The following SYNE1 variants were observed in gnomAD, a reference collection of about 807,000 sequenced individuals.
SYNE1 encodes nesprin-1.
SYNE1 carries 616 observed loss-of-function variants against 1,111.0 expected under a neutral mutation model. The observed-to-expected ratio is 0.55, with a 90% CI of 0.52 to 0.59. The LOEUF (loss-of-function observed/expected upper bound fraction) is 0.59. SYNE1 is among the 20% of genes least tolerant of loss of function. The pLI, the probability that SYNE1 is intolerant of heterozygous loss-of-function variation, is 0.00. For missense variants in SYNE1, 10,006 were observed against 10,417.0 expected, an observed-to-expected ratio of 0.96 and a Z score of 1.72; for synonymous variants, 3,855 against 3,825.8, an observed-to-expected ratio of 1.01 and a Z score of -0.28.
chr6:152,608,357 C>T (rs949232156), intron 3 of SYNE1, among the ~76,000 whole-genome samples: 4 of 152,018 alleles, frequency 2.6e-5, no homozygotes, highest in African/African-American at 9.7e-5. Flanking sequence ...CTCAATAGCT[C>T]TAACTATTTA....
In SYNE1 at chr6:152,352,240, C is replaced by T; in HGVS notation, c.11367G>A (p.Glu3789=). The T allele has an allele frequency of 6.2e-7, 1 of 1,614,144 alleles. No individual in the cohort carries two copies. Residue 3789 remains glutamate, a synonymous_variant, in exon 70 of 146, where the codon GAG becomes GAA. Coordinates refer to ENST00000367255, the MANE Select transcript of SYNE1 (RefSeq NM_182961.4). ...TCAACTGCTCCATGTGATCATGAATCTCCTTTCTTAACCTCTCTGCCTCGC... is the reference window on the plus strand; with the variant it reads ...TCAACTGCTCCATGTGATCATGAATTTCCTTTCTTAACCTCTCTGCCTCGC... ...EEGEAERLRK[E]IHDHMEQLKE...
intron 115 of SYNE1, among the ~76,000 whole-genome samples, chr6:152,227,322 T>G (rs904537882): frequency 4.6e-5 from 7 of 152,224 alleles, no homozygotes; most frequent in African/African-American, 1.7e-4. Context: ...GATATTATTA[T>G]GTTTAGCCAT....
intron 3 of SYNE1, among the ~76,000 whole-genome samples, chr6:152,565,231 G>C (rs1343073118): frequency 6.6e-6 from 1 of 152,164 alleles, no homozygotes; most frequent in Non-Finnish European, 1.5e-5. Context: ...GTGGAATTTA[G>C]ACATTCAAAG....
At chr6:152,368,345 A>T (rs2097119537) in intron 61 of SYNE1, 2 of 153,274 alleles carry the variant, frequency 1.3e-5, no homozygotes, top group Non-Finnish European at 2.9e-5. Context: ...GTTCTAAATG[A>T]GATTGTAGTA....
At position 152,136,897 on chromosome 6, in the gene SYNE1, G is replaced by A. The variant is rs2057216915; in HGVS notation, c.25459-79C>T. 8 of 1,510,902 alleles carry A rather than the reference G, an allele frequency of 5.3e-6. No homozygotes were observed. The South Asian group carries it at 9.1e-5, about 17-fold the overall frequency. 93.6% of individuals were successfully genotyped at this position (1,510,902 alleles called of 1,614,324 possible). A position where few individuals can be genotyped will look rare whatever the true frequency, so the allele number is the denominator to read the frequency against. On this transcript the variant is annotated intron_variant, in intron 140 of 145. Coordinates refer to ENST00000367255, the MANE Select transcript of SYNE1 (RefSeq NM_182961.4). Reference sequence around the variant, plus strand: ...TCCCTTGAAAATGTTTCACATGAATGAAAAGATCCATTAATTTAAACTGGC... The same window carrying A: ...TCCCTTGAAAATGTTTCACATGAATAAAAAGATCCATTAATTTAAACTGGC...
rs145466222 is a variant in SYNE1 at position 152,156,516 on chromosome 6, C to T, written c.23791-419G>A. ...ACCAAAACCCATGGATGCTTAAGTC[C>T]TTGATATTGAATGCTGTAGTATTTG... On this transcript the variant is annotated intron_variant, in intron 131 of 145. Coordinates refer to ENST00000367255, the MANE Select transcript of SYNE1 (RefSeq NM_182961.4). Among the ~76,000 whole-genome samples the T allele has an allele frequency of 1.3e-3, 200 of 152,266 alleles. 4 individuals carry two copies. Among genetic ancestry groups the T allele is most frequent in the Admixed American group, 0.011 (167 of 15,298 alleles).
chr6:152,319,102 A>G (rs1461051741), intron 84 of SYNE1, 87 bp from the exon 85 acceptor site: 1 of 1,552,438 alleles, frequency 6.4e-7, no homozygotes, highest in African/African-American at 1.4e-5. Context: ...TTGACAAGAC[A>G]CATTTTAACT....
rs550807065 is a variant in SYNE1 at position 152,433,810 on chromosome 6, T to A, written c.4446A>T (p.Gln1482His). ...AGCAGGTCACCTTAATTTGGCTGAT[T>A]TGCATGTCCATGGCAGATGACGAAG... ...LETSSSAMDM[Q>H]ISQIKVTIQE... The change falls in exon 34 of 146, where the codon CAA becomes CAT. Residue 1482 changes from glutamine to histidine, a missense_variant. Coordinates refer to ENST00000367255, the MANE Select transcript of SYNE1 (RefSeq NM_182961.4). The A allele has an allele frequency of 9.9e-6, 16 of 1,613,810 alleles. No homozygotes were observed. The highest frequency in any genetic ancestry group is 1.4e-5 in the Non-Finnish European group (16 of 1,179,752).
In SYNE1 at chr6:152,475,917, C is replaced by T. The variant is rs1352545588; in HGVS notation, c.1351-3504G>A. Among the ~76,000 whole-genome samples the T allele has an allele frequency of 3.9e-5, 6 of 152,184 alleles. No homozygotes were observed. The South Asian group carries it at 1.2e-3, about 32-fold the overall frequency. On this transcript the variant is annotated intron_variant, in intron 14 of 145. Transcript: ENST00000367255. ...CTGTGGCAATTCTTCTGAAAATACC[C>T]TATCCTCCATACGTTTGCTTCCCGT...
chr6:152,419,470 C>G, intron 40 of SYNE1, 99 bp downstream of exon 40: 1 of 1,219,992 alleles, frequency 8.2e-7, no homozygotes, highest in South Asian at 1.4e-5. Flanking sequence ...TAAATTCTCA[C>G]CATTTAAACT....
chr6:152,445,690 C>A (rs1435882495), intron 29 of SYNE1, among the ~76,000 whole-genome samples: 1 of 152,064 alleles, frequency 6.6e-6, no homozygotes, highest in Non-Finnish European at 1.5e-5. Context: ...AATGACTCTT[C>A]ACTGTATCTT....
In SYNE1 at chr6:152,390,436, T is replaced by C; in HGVS notation, c.8021A>G (p.Lys2674Arg). 1 of 1,614,016 alleles carries C rather than the reference T, an allele frequency of 6.2e-7. No homozygotes were observed. The highest frequency in any genetic ancestry group is 1.1e-5 in the South Asian group (1 of 91,082). The stretch of plus-strand genomic sequence containing the variant: ...ATTCAACTTAACTTCCCCTTCACCT[T>C]TCATCAGGAGAATATCCTGGGAAGG... Reference protein sequence around the residue: ...LSQIQDILLMKGEGEVKLNMA... With the variant: ...LSQIQDILLMRGEGEVKLNMA... Residue 2674 changes from lysine to arginine, a missense_variant, in exon 53 of 146, where the codon AAA becomes AGA. Around this residue, in one of 7 missense-constraint regions of SYNE1, gnomAD observed 4,955 missense variants for 5,017.2 expected, o/e 0.99. Coordinates refer to ENST00000367255, the MANE Select transcript of SYNE1 (RefSeq NM_182961.4).
In SYNE1 at chr6:152,484,975, A is replaced by G. The variant is rs2098931549; in HGVS notation, c.1048-3T>C. ...TGAACTCTGAAGTGCTTAAATGACT[A>G]AAAGAGGAAAAACAGCAACAGTATG... On this transcript the variant is annotated splice_region_variant and splice_polypyrimidine_tract_variant and intron_variant, in intron 12 of 145. Transcript: ENST00000367255. 1 of 1,610,348 alleles carries G rather than the reference A, an allele frequency of 6.2e-7. No homozygotes were observed. The highest frequency in any genetic ancestry group is 1.3e-5 in the African/African-American group (1 of 75,030).
chr6:152,252,712 A>G (rs571067028), intron 104 of SYNE1, among the ~76,000 whole-genome samples: 45 of 152,366 alleles, frequency 3.0e-4, no homozygotes, highest in African/African-American at 9.4e-4. Context: ...TTATGTTAAC[A>G]TTGGAAAGTT....
intron 6 of SYNE1, chr6:152,511,593 T>C (rs201686979): frequency 1.2e-6 from 2 of 1,612,574 alleles, no homozygotes; most frequent in South Asian, 1.1e-5. Context: ...GTGCATGGAC[T>C]GACATGAAAA....
chr6:152,271,101 A>G (rs566493999), intron 98 of SYNE1, among the ~76,000 whole-genome samples: 253 of 152,238 alleles, frequency 1.7e-3, no homozygotes, highest in Non-Finnish European at 2.7e-3. Flanking sequence ...ATGTCTGAGC[A>G]CAACATGGGA....
At position 152,465,411 on chromosome 6, in the gene SYNE1, C is replaced by A; in HGVS notation, c.1779G>T (p.Gln593His). ...TCACTTCTACTGAGAGATTCCTCCA[C>A]TGAGCGGTGGTTTCATTCATGAATT... ...VMKFMNETTA[Q>H]WRNLSVEVRS... Residue 593 changes from glutamine (Q) to histidine (H), a missense_variant, in exon 18 of 146, where the codon CAG (glutamine) becomes CAT (histidine). By Grantham distance (24) the Gln-to-His change is conservative. This residue lies in a region of SYNE1 where 1,971 missense variants were observed against 2,084.1 expected (regional missense o/e 0.95). Transcript: ENST00000367255. 4 of 1,613,744 alleles carry A rather than the reference C, an allele frequency of 2.5e-6. No homozygotes were observed. Among genetic ancestry groups the A allele is most frequent in the Non-Finnish European group, 3.4e-6 (4 of 1,179,806 alleles).
At chr6:152,349,793 T>C (rs2154030514) in intron 72 of SYNE1, among the ~76,000 whole-genome samples, 1 of 152,294 alleles carries the variant, frequency 6.6e-6, no homozygotes, top group Admixed American at 6.5e-5. Flanking sequence ...TCCTGTGCTG[T>C]TCTCATGATA....
At chr6:152,312,219 TTTTTTC>T (rs1463777105) in intron 87 of SYNE1, among the ~76,000 whole-genome samples, 1 of 46,580 alleles carries the variant, frequency 2.1e-5, no homozygotes. Context: ...CTTTTTTTTT[TTTTTTC>T]TGAGACGGAG....
Sources: gnomAD v4.1 joint callset for allele counts (sites outside exome capture counted in the v4.1 genomes callset) on GRCh38, gnomAD v4.1.1 for gene constraint, gnomAD v4.1.1 regional missense constraint, MANE v1.5 for transcripts, NCBI Gene and HGNC (gene_info 2026-07-23, HGNC 2026-07-21) for gene names.